Variants in TAF1B observed in about 807,000 individuals in gnomAD.
The protein encoded by TAF1B is TATA box-binding protein-associated factor RNA polymerase I subunit B.
In TAF1B, 61 loss-of-function variants were observed where a neutral mutation model predicts 83.9. That is an observed-to-expected ratio of 0.73 (90% CI 0.59 to 0.90). The LOEUF is 0.90. TAF1B is among the 40% of genes least tolerant of loss of function. TAF1B has a pLI of 0.00. For synonymous variants in TAF1B, 221 were observed against 224.6 expected (o/e 0.98, Z 0.14); for missense variants, 625 against 677.0 (o/e 0.92, Z 0.85).
At chr2:9,896,870 G>A (rs1192609318) in intron 8 of TAF1B, among the ~76,000 whole-genome samples, 1 of 152,186 alleles carries the variant, frequency 6.6e-6, no homozygotes, top group Non-Finnish European at 1.5e-5. Context: ...GAGCAGAGCA[G>A]AGCTCAGGAG....
chr2:9,929,580 GTT>G (rs1666151082), intron 14 of TAF1B, among the ~76,000 whole-genome samples: 1 of 152,192 alleles, frequency 6.6e-6, no homozygotes, highest in Non-Finnish European at 1.5e-5. Flanking sequence ...GCTGGATTCA[GTT>G]TTCCAGTATT....
Position 9,914,750 on chromosome 2 carries a change from G to T in TAF1B, c.1271+1501G>T, listed in dbSNP as rs1476553690. ...GCCCCAAGGTGGAGGCTGTCGAGGG[G>T]ACCCGTTTCCAAGGTCCTTCTTCCT... On this transcript the variant is annotated intron_variant, in intron 12 of 14. Coordinates refer to ENST00000263663, the MANE Select transcript of TAF1B (RefSeq NM_005680.3). This position sits in a 1 kb window ranked among gnomAD's most constrained non-coding sequence, Gnocchi z 4.3. Among the ~76,000 whole-genome samples the T allele has an allele frequency of 6.6e-6, 1 of 152,166 alleles. No individual in the cohort carries two copies. Among genetic ancestry groups the T allele is most frequent in the Non-Finnish European group, 1.5e-5 (1 of 68,028 alleles).
At position 9,919,742 on chromosome 2, in the gene TAF1B, G is replaced by C. The variant is rs767688435; in HGVS notation, c.1487G>C (p.Gly496Ala). Residue 496 changes from glycine to alanine, a missense_variant, in exon 14 of 15, where the codon GGA becomes GCA. Physicochemically the swap from Gly to Ala is moderately conservative, Grantham distance 60. Transcript: ENST00000263663. ...TGTTTCCATGGACACAGCCTTCAGGGAGTCCTGAAAGAGAAAGGCCAATCA... is the reference window on the plus strand; with the variant it reads ...TGTTTCCATGGACACAGCCTTCAGGCAGTCCTGAAAGAGAAAGGCCAATCA... Reference protein sequence around the residue: ...RTCFHGHSLQGVLKEKGQSLL... With the variant: ...RTCFHGHSLQAVLKEKGQSLL... The C allele has an allele frequency of 6.2e-7, 1 of 1,614,152 alleles. No individual in the cohort carries two copies. The highest frequency in any genetic ancestry group is 8.5e-7 in the Non-Finnish European group (1 of 1,180,024).
At chr2:9,881,146 C>T (rs893475116) in intron 7 of TAF1B, among the ~76,000 whole-genome samples, 1 of 152,000 alleles carries the variant, frequency 6.6e-6, no homozygotes, top group East Asian at 1.9e-4. Flanking sequence ...ACAGCCTGGC[C>T]AACATGGTGA....
At chr2:9,893,643 C>CA (rs1171710856) in intron 8 of TAF1B, among the ~76,000 whole-genome samples, 1 of 152,074 alleles carries the variant, frequency 6.6e-6, no homozygotes, top group Non-Finnish European at 1.5e-5. Flanking sequence ...GAGCTATGCT[C>CA]ATGCCACTGC....
chr2:9,926,490 T>C (rs1358301800), intron 14 of TAF1B, among the ~76,000 whole-genome samples: 3 of 152,186 alleles, frequency 2.0e-5, no homozygotes, highest in Non-Finnish European at 4.4e-5. Context: ...TATGATGCCA[T>C]CTAACCTCTT....
chr2:9,920,579 C>CGG (rs1004901534), intron 14 of TAF1B, among the ~76,000 whole-genome samples: 36 of 96,434 alleles, frequency 3.7e-4, no homozygotes, highest in Non-Finnish European at 6.3e-4. Flanking sequence ...TAGACTGGGG[C>CGG]GGGGGGCGGG....
chr2:9,843,661 C>T (rs1663096615), intron 1 of TAF1B, 102 bp downstream of exon 1: 2 of 1,305,308 alleles, frequency 1.5e-6, no homozygotes, highest in Non-Finnish European at 2.0e-6. Context: ...GCGGCGACGC[C>T]ACCGGCTGGA....
At chr2:9,933,078 C>G (rs1666266603) in intron 14 of TAF1B, among the ~76,000 whole-genome samples, 1 of 152,230 alleles carries the variant, frequency 6.6e-6, no homozygotes, top group African/African-American at 2.4e-5. Context: ...TACAGTCTGT[C>G]ATGGCTTCCC....
rs1665609471 is a variant in TAF1B, at chr2:9,914,020, G to A, written c.1271+771G>A. ...AGGTTCCCCATATTAGTTGAAATGA[G>A]AATTTGTTCAGCTCCTATTTCTTCA... On this transcript the variant is annotated intron_variant, in intron 12 of 14. Transcript: ENST00000263663. This position sits in a 1 kb window ranked among gnomAD's most constrained non-coding sequence, Gnocchi z 4.3. Among the ~76,000 whole-genome samples, 1 of 152,166 alleles carries A rather than the reference G, an allele frequency of 6.6e-6. No individual in the cohort carries two copies. The highest frequency in any genetic ancestry group is 1.5e-5 in the Non-Finnish European group (1 of 68,034).
Position 9,921,951 on chromosome 2 carries a change from A to G in TAF1B, c.1565+2131A>G, listed in dbSNP as rs1572289200. ...TCTTCCTGTTAAAAATAAAAAGACTAGACTAATATTCCCTCACTAAAGTTC... is the reference window on the plus strand; with the variant it reads ...TCTTCCTGTTAAAAATAAAAAGACTGGACTAATATTCCCTCACTAAAGTTC... On this transcript the variant is annotated intron_variant, in intron 14 of 14. Transcript: ENST00000263663. Among the ~76,000 whole-genome samples, 4 of 152,358 alleles carry G rather than the reference A, an allele frequency of 2.6e-5. No homozygotes were observed. The Middle Eastern group carries it at 0.01, about 389-fold the overall frequency.
intron 8 of TAF1B, among the ~76,000 whole-genome samples, chr2:9,887,018 T>C (rs1337669365): frequency 1.3e-5 from 2 of 152,114 alleles, no homozygotes; most frequent in Non-Finnish European, 2.9e-5. Flanking sequence ...TGAGCCGAGA[T>C]TGTGCCACTG....
At chr2:9,856,859 T>C (rs1558615570) in intron 5 of TAF1B, among the ~76,000 whole-genome samples, 1 of 152,250 alleles carries the variant, frequency 6.6e-6, no homozygotes, top group Non-Finnish European at 1.5e-5. Flanking sequence ...AGCTATACTC[T>C]ATTTTGAAAG....
intron 3 of TAF1B, among the ~76,000 whole-genome samples, chr2:9,849,758 C>T (rs1414942082): frequency 1.3e-5 from 2 of 152,112 alleles, no homozygotes; most frequent in Non-Finnish European, 2.9e-5. Flanking sequence ...TTTGAACACA[C>T]CTTTTTAAAA....
intron 6 of TAF1B, among the ~76,000 whole-genome samples, chr2:9,870,135 A>G (rs1664121083): frequency 1.3e-5 from 2 of 152,172 alleles, no homozygotes; most frequent in South Asian, 2.1e-4. Context: ...TCAAAACTCT[A>G]CAAATCATTC....
chr2:9,912,734 G>T lies in TAF1B; in HGVS notation c.1181-425G>T, dbSNP rs573711915. On this transcript the variant is annotated intron_variant, in intron 11 of 14. Transcript: ENST00000263663. ...CCAGCATTATTGATGGGGAGATTGA[G>T]GTTTAGAAAAGTTGTGATTTACTCC... Among the ~76,000 whole-genome samples, 79 of 152,254 alleles carry T rather than the reference G, an allele frequency of 5.2e-4. 1 individual carries two copies. The highest frequency in any genetic ancestry group is 1.8e-3 in the African/African-American group (73 of 41,546).
chr2:9,923,576 G>T (rs1263378377), intron 14 of TAF1B, among the ~76,000 whole-genome samples: 1 of 152,100 alleles, frequency 6.6e-6, no homozygotes, highest in African/African-American at 2.4e-5. Flanking sequence ...CTACTTGGTA[G>T]GCTGAGGCAG....
At chr2:9,900,359 C>T (rs569368306) in intron 8 of TAF1B, among the ~76,000 whole-genome samples, 6 of 152,150 alleles carry the variant, frequency 3.9e-5, no homozygotes, top group East Asian at 1.9e-4. Context: ...TATGACAAAA[C>T]TCCATCTCTA....
At chr2:9,896,408 C>G (rs1665018105) in intron 8 of TAF1B, among the ~76,000 whole-genome samples, 1 of 152,114 alleles carries the variant, frequency 6.6e-6, no homozygotes, top group African/African-American at 2.4e-5. Flanking sequence ...TTTTCTTCCC[C>G]CCTTCCATGC....
Sources: allele counts gnomAD v4.1 joint callset (sites outside exome capture counted in the v4.1 genomes callset), GRCh38; gene constraint gnomAD v4.1.1; non-coding constraint Gnocchi (gnomAD v3.1); transcripts MANE v1.5; gene names NCBI Gene and HGNC (gene_info 2026-07-23, HGNC 2026-07-21).